FUT9: variants seen among roughly 807,000 people sequenced by gnomAD.
FUT9 encodes fucosyltransferase 9.
A neutral mutation model predicts 29.7 loss-of-function variants in FUT9; 15 were observed. That is an observed-to-expected ratio of 0.51 (90% CI 0.34 to 0.78). FUT9 has a LOEUF of 0.78. Ranked by LOEUF, FUT9 falls within the 30% of genes least tolerant of loss-of-function variation. The pLI, the probability that FUT9 is intolerant of heterozygous loss-of-function variation, is 0.01. For synonymous variants in FUT9, 169 were observed against 153.7 expected (o/e 1.10, Z -0.74); for missense variants, 319 against 425.4 (o/e 0.75, Z 2.20).
chr6:96,201,820 C>T (rs2127991204), intron 2 of FUT9, among the ~76,000 whole-genome samples: 1 of 150,856 alleles, frequency 6.6e-6, no homozygotes, highest in African/African-American at 2.4e-5. Flanking sequence ...TACCTTAGTT[C>T]TGGGAGTGAT....
rs1476149323 is a variant in FUT9 at position 96,174,702 on chromosome 6, CAATA to C, written c.-8-28443_-8-28440del. Among the ~76,000 whole-genome samples the C allele has an allele frequency of 4.6e-5, 7 of 151,930 alleles. No homozygotes were observed. In the South Asian group the frequency reaches 1.0e-3, roughly 23 times the overall value. On this transcript the variant is annotated intron_variant, in intron 2 of 2. Coordinates refer to ENST00000302103, the MANE Select transcript of FUT9 (RefSeq NM_006581.4). ...TTTTATTTGGAACCAGGAAAAGAAA[CAATA>C]AAGTGAACTGAGAAAGTGTGACTAG...
intron 2 of FUT9, among the ~76,000 whole-genome samples, chr6:96,175,479 A>G (rs962137606): frequency 1.3e-5 from 2 of 152,232 alleles, no homozygotes; most frequent in Non-Finnish European, 2.9e-5. Context: ...GATGCTAAAT[A>G]TATAAATCAA....
intron 2 of FUT9, among the ~76,000 whole-genome samples, chr6:96,149,582 A>G (rs1772638814): frequency 6.6e-6 from 1 of 152,182 alleles, no homozygotes. Flanking sequence ...AAACTCAATT[A>G]TTTGTAATTG....
At chr6:96,150,639 T>C (rs1772658747) in intron 2 of FUT9, among the ~76,000 whole-genome samples, 1 of 152,154 alleles carries the variant, frequency 6.6e-6, no homozygotes, top group Admixed American at 6.5e-5. Context: ...GGCTCAACAA[T>C]TTCTTAAAGT....
chr6:96,097,611 C>T (rs974256489), intron 1 of FUT9, among the ~76,000 whole-genome samples: 8 of 76,562 alleles, frequency 1.0e-4, no homozygotes, highest in Non-Finnish European at 1.6e-4. Context: ...CGATAACTTT[C>T]AATGAACATT....
chr6:96,083,311 A>G (rs1455450412), intron 1 of FUT9, among the ~76,000 whole-genome samples: 1 of 152,088 alleles, frequency 6.6e-6, no homozygotes, highest in East Asian at 1.9e-4. Context: ...TCACAAATAG[A>G]TAGATTGTAT....
chr6:96,115,416 G>T (rs1205543470), intron 2 of FUT9, among the ~76,000 whole-genome samples: 1 of 152,098 alleles, frequency 6.6e-6, no homozygotes, highest in Non-Finnish European at 1.5e-5. Context: ...CTAAAGTTTT[G>T]TTGAATATAC....
chr6:96,136,796 A>G (rs538430400), intron 2 of FUT9, among the ~76,000 whole-genome samples: 42 of 151,984 alleles, frequency 2.8e-4, no homozygotes, highest in Admixed American at 2.1e-3. Context: ...ACAATAGCAG[A>G]AAAAAAATAA....
At chr6:96,023,421 T>A (rs999486912) in intron 1 of FUT9, among the ~76,000 whole-genome samples, 1 of 151,904 alleles carries the variant, frequency 6.6e-6, no homozygotes, top group Non-Finnish European at 1.5e-5. Context: ...ATCTGTATAG[T>A]GAAAGCTTTG....
At chr6:96,172,344 C>T (rs908882465) in intron 2 of FUT9, among the ~76,000 whole-genome samples, 1 of 152,136 alleles carries the variant, frequency 6.6e-6, no homozygotes, top group African/African-American at 2.4e-5. Flanking sequence ...TTTCTTTTAA[C>T]ATTTTTGTTG....
intron 1 of FUT9, among the ~76,000 whole-genome samples, chr6:96,103,033 T>TCAGAA (rs1771614898): frequency 6.6e-6 from 1 of 152,144 alleles, no homozygotes; most frequent in Admixed American, 6.5e-5. Flanking sequence ...GGTCTTGGGC[T>TCAGAA]ATGGGAAAAT....
Position 96,214,515 on chromosome 6 carries a change from T to C in FUT9, c.*10280T>C, listed in dbSNP as rs1284006570. ...TATGAATGTTGGCTGCAGAGGAGCC[T>C]TTACATGCAGATAATTTGAAGCAGT... On this transcript the variant is annotated 3_prime_UTR_variant, in exon 3 of 3. Coordinates refer to ENST00000302103, the MANE Select transcript of FUT9 (RefSeq NM_006581.4). The C allele has an allele frequency of 6.0e-6, 1 of 166,918 alleles. No homozygotes were observed. Among genetic ancestry groups the C allele is most frequent in the East Asian group, 1.9e-4 (1 of 5,200 alleles). 10.3% of individuals were successfully genotyped at this position (166,918 alleles called of 1,614,324 possible).
chr6:96,079,564 AT>A (rs1405645307), intron 1 of FUT9, among the ~76,000 whole-genome samples: 1 of 152,164 alleles, frequency 6.6e-6, no homozygotes, highest in Non-Finnish European at 1.5e-5. Context: ...TTAATATATC[AT>A]TTTTAATGGA....
intron 2 of FUT9, among the ~76,000 whole-genome samples, chr6:96,170,587 T>C (rs1773095423): frequency 6.7e-6 from 1 of 149,812 alleles, no homozygotes; most frequent in African/African-American, 2.5e-5. Flanking sequence ...TGAATAGTAA[T>C]AAAATAAGAA....
intron 2 of FUT9, among the ~76,000 whole-genome samples, chr6:96,187,012 C>T (rs535195385): frequency 6.6e-6 from 1 of 152,176 alleles, no homozygotes; most frequent in Admixed American, 6.6e-5. Flanking sequence ...CAAGTTAACA[C>T]ATAAAATTAA....
intron 1 of FUT9, among the ~76,000 whole-genome samples, chr6:96,029,397 C>T (rs915600054): frequency 6.6e-6 from 1 of 151,444 alleles, no homozygotes; most frequent in African/African-American, 2.4e-5. Flanking sequence ...CTTGGTAATA[C>T]AGGTGCAGAG....
intron 2 of FUT9, among the ~76,000 whole-genome samples, chr6:96,189,708 A>G (rs1396560920): frequency 6.6e-6 from 1 of 151,984 alleles, no homozygotes; most frequent in Admixed American, 6.6e-5. Flanking sequence ...AGTCTGTTTT[A>G]TCAGAGACTA....
chr6:96,076,496 C>T (rs1771144188), intron 1 of FUT9, among the ~76,000 whole-genome samples: 2 of 152,224 alleles, frequency 1.3e-5, no homozygotes, highest in African/African-American at 4.8e-5. Context: ...TATTTAGGCC[C>T]ATTAAAATAA....
At chr6:96,104,582 G>C (rs1361806037) in intron 1 of FUT9, among the ~76,000 whole-genome samples, 1 of 152,204 alleles carries the variant, frequency 6.6e-6, no homozygotes, top group African/African-American at 2.4e-5. Context: ...CCAGGCTGGA[G>C]TGCAGTGGTG....
Sources: gnomAD v4.1 joint callset for allele counts (sites outside exome capture counted in the v4.1 genomes callset) on GRCh38, gnomAD v4.1.1 for gene constraint, MANE v1.5 for transcripts, NCBI Gene and HGNC (gene_info 2026-07-23, HGNC 2026-07-21) for gene names.